SATB1: variants seen among roughly 807,000 people sequenced by gnomAD.
The protein encoded by SATB1 is SATB homeobox 1.
SATB1 carries 11 observed loss-of-function variants against 86.9 expected under a neutral mutation model. The observed-to-expected ratio is 0.13, with a 90% CI of 0.08 to 0.21. The LOEUF (loss-of-function observed/expected upper bound fraction) is 0.21, where lower values mean the gene tolerates loss of function less well. Among genes scored for constraint, SATB1 ranks in the 10% least tolerant of loss-of-function variants. The pLI is 1.00. For missense variants in SATB1, 551 were observed against 937.6 expected (o/e 0.59, Z 5.39); for synonymous variants, 357 against 357.2 (o/e 1.00, Z 0.01).
At chr3:18,378,400 A>G in intron 8 of SATB1, 75 bp from the exon 9 acceptor site, 1 of 1,405,514 alleles carries the variant, frequency 7.1e-7, no homozygotes, top group Non-Finnish European at 1.0e-6. Flanking sequence ...CTCAGCATCC[A>G]AACTGGACAC....
chr3:18,357,888 A>T (rs1269739286), intron 9 of SATB1, among the ~76,000 whole-genome samples: 1 of 151,886 alleles, frequency 6.6e-6, no homozygotes, highest in Non-Finnish European at 1.5e-5. Context: ...GACCTAAGGA[A>T]GATACAACCC....
rs950172506 is a variant in SATB1 at position 18,417,620 on chromosome 3, C to T, written c.212-542G>A. On this transcript the variant is annotated intron_variant, in intron 2 of 10. Coordinates refer to ENST00000338745, the MANE Select transcript of SATB1 (RefSeq NM_002971.6). ...AACTGGTTCCACAAATCATTTTCTT[C>T]CTTTTTTAGATATTAGCTCTAACTG... The T allele has an allele frequency of 3.4e-5, 23 of 679,266 alleles. No individual in the cohort carries two copies. The Middle Eastern group carries it at 7.8e-4, about 23-fold the overall frequency. 42.1% of individuals were successfully genotyped at this position (679,266 alleles called of 1,614,324 possible).
chr3:18,429,005 TTC>T (rs1453322764), upstream of SATB1, among the ~76,000 whole-genome samples: 10 of 152,228 alleles, frequency 6.6e-5, no homozygotes, highest in Non-Finnish European at 1.2e-4. This position sits in a 1 kb window ranked among gnomAD's most constrained non-coding sequence, Gnocchi z 4.1. Flanking sequence ...ATGTTTTTTT[TTC>T]TTTTTTCATC....
At chr3:18,419,778 C>T (rs1698297154) in intron 2 of SATB1, among the ~76,000 whole-genome samples, 1 of 152,078 alleles carries the variant, frequency 6.6e-6, no homozygotes, top group East Asian at 1.9e-4. Context: ...TGCTGTTTTC[C>T]CATTTTTAAT....
chr3:18,368,058 T>C (rs1201286737), intron 9 of SATB1, among the ~76,000 whole-genome samples: 5 of 152,206 alleles, frequency 3.3e-5, no homozygotes, highest in Admixed American at 2.0e-4. Flanking sequence ...CTTTGACTTA[T>C]CCCACACAAC....
At chr3:18,415,366 T>C in intron 4 of SATB1, 132 bp from the exon 5 acceptor site, 1 of 987,956 alleles carries the variant, frequency 1.0e-6, no homozygotes, top group East Asian at 2.5e-5. Flanking sequence ...GGTCTCCTGA[T>C]TGTTCCGATT....
chr3:18,351,213 T>C (rs1176753256), intron 10 of SATB1: 4 of 908,576 alleles, frequency 4.4e-6, no homozygotes, highest in Non-Finnish European at 5.2e-6. Flanking sequence ...CCATGGTTAG[T>C]AGGGCCTTTA....
In SATB1 at chr3:18,410,857, T is replaced by C. The variant is rs114398002; in HGVS notation, c.639+4254A>G. 1,652 of 371,580 alleles carry C rather than the reference T, an allele frequency of 4.4e-3. 30 individuals carry two copies. The highest frequency in any genetic ancestry group is 0.032 in the African/African-American group (1,548 of 47,986). 23.0% of individuals were successfully genotyped at this position (371,580 alleles called of 1,614,324 possible). On this transcript the variant is annotated intron_variant, in intron 5 of 10. Coordinates refer to ENST00000338745, the MANE Select transcript of SATB1 (RefSeq NM_002971.6). ...TTTGTATAACATGATAGATTTGTAA[T>C]TGTTGCTCCAATATCATTTATAATA...
chr3:18,360,232 A>C (rs1694842377), intron 9 of SATB1, among the ~76,000 whole-genome samples: 1 of 152,136 alleles, frequency 6.6e-6, no homozygotes, highest in Non-Finnish European at 1.5e-5. Context: ...GCTTTCTTGA[A>C]TCCTCTTAAC....
upstream of SATB1, among the ~76,000 whole-genome samples, chr3:18,428,757 C>A (rs1240556428): frequency 6.6e-6 from 1 of 152,158 alleles, no homozygotes; most frequent in Non-Finnish European, 1.5e-5. Flanking sequence ...CCTGGCTACA[C>A]ACAAAATTTT....
At chr3:18,396,456 G>C (rs1559432789) in intron 6 of SATB1, among the ~76,000 whole-genome samples, 1 of 152,128 alleles carries the variant, frequency 6.6e-6, no homozygotes, top group Non-Finnish European at 1.5e-5. Context: ...GTTTGCTTTT[G>C]TGAACATTAA....
chr3:18,350,013 C>A, intron 10 of SATB1: 1 of 298,476 alleles, frequency 3.4e-6, no homozygotes, highest in Non-Finnish European at 6.1e-6. Flanking sequence ...GAAGACAGCA[C>A]ATCAAATTAT....
rs1291909890 is a variant in SATB1 at position 18,346,680 on chromosome 3, A to AT, written c.*2489dup. The AT allele has an allele frequency of 6.6e-6, 1 of 152,090 alleles. No homozygotes were observed. The highest frequency in any genetic ancestry group is 2.4e-5 in the African/African-American group (1 of 41,426). The allele number at this position is 152,090 out of a possible 1,614,324, so 9.4% of individuals were successfully genotyped here. On this transcript the variant is annotated 3_prime_UTR_variant, in exon 11 of 11. Coordinates refer to ENST00000338745, the MANE Select transcript of SATB1 (RefSeq NM_002971.6). ...TAAAAGTTAAAAAATCTAAGTGGGA[A>AT]TTTTGTTAGCATTGTTATGTTGATT...
Position 18,423,652 on chromosome 3 carries a change from A to G in SATB1, c.-50T>C, listed in dbSNP as rs1376471027. The G allele has an allele frequency of 6.6e-6, 1 of 152,002 alleles. No homozygotes were observed. The highest frequency in any genetic ancestry group is 6.5e-5 in the Admixed American group (1 of 15,268). 9.4% of individuals were successfully genotyped at this position (152,002 alleles called of 1,614,324 possible). On this transcript the variant is annotated 5_prime_UTR_variant, in exon 1 of 11. Coordinates refer to ENST00000338745, the MANE Select transcript of SATB1 (RefSeq NM_002971.6). ...CACTTCAAAACTTGACAGCACATAA[A>G]TAACAAAAACAAAGGAGATTTCCTT...
intron 5 of SATB1, among the ~76,000 whole-genome samples, chr3:18,411,804 G>T (rs1026496055): frequency 1.1e-4 from 16 of 152,104 alleles, no homozygotes; most frequent in Admixed American, 1.0e-3. Context: ...ATGGTACAAA[G>T]AATTTAATAA....
intron 2 of SATB1, among the ~76,000 whole-genome samples, chr3:18,419,694 T>C (rs1698293941): frequency 6.6e-6 from 1 of 152,204 alleles, no homozygotes; most frequent in African/African-American, 2.4e-5. Flanking sequence ...CTGGCTTTCT[T>C]AAGATGCATA....
intron 1 of SATB1, among the ~76,000 whole-genome samples, chr3:18,437,917 G>T (rs910163032): frequency 6.6e-6 from 1 of 152,058 alleles, no homozygotes; most frequent in Non-Finnish European, 1.5e-5. Flanking sequence ...GGAAAGAAAG[G>T]CTTGCTATAT....
chr3:18,392,862 T>C (rs1696756588), intron 7 of SATB1, among the ~76,000 whole-genome samples: 1 of 151,752 alleles, frequency 6.6e-6, no homozygotes, highest in Non-Finnish European at 1.5e-5. Flanking sequence ...CACCAGCTAA[T>C]GATGAACACA....
chr3:18,393,143 C>T (rs1040915679), intron 7 of SATB1, among the ~76,000 whole-genome samples: 2 of 151,808 alleles, frequency 1.3e-5, no homozygotes, highest in African/African-American at 4.8e-5. Context: ...ACTTCTGTAC[C>T]AGAATTTTAT....
Sources: gnomAD v4.1 joint callset for allele counts (sites outside exome capture counted in the v4.1 genomes callset) on GRCh38, gnomAD v4.1.1 for gene constraint, Gnocchi (gnomAD v3.1) non-coding constraint, MANE v1.5 for transcripts, NCBI Gene and HGNC (gene_info 2026-07-23, HGNC 2026-07-21) for gene names.